The following FUBP3 variants were observed in gnomAD, a reference collection of about 807,000 sequenced individuals.
FUBP3 encodes far upstream element binding protein 3.
FUBP3 carries 28 observed loss-of-function variants against 85.6 expected under a neutral mutation model. The observed-to-expected ratio is 0.33, with a 90% CI of 0.24 to 0.45. The LOEUF (loss-of-function observed/expected upper bound fraction) is 0.45. Among genes scored for constraint, FUBP3 ranks in the 20% least tolerant of loss-of-function variants. The pLI is 1.00. For missense variants in FUBP3, 583 were observed against 755.1 expected (o/e 0.77, Z 2.67); for synonymous variants, 271 against 271.4 (o/e 1.00, Z 0.01).
intron 2 of FUBP3, among the ~76,000 whole-genome samples, chr9:130,605,984 AAAC>A (rs746902533): frequency 1.4e-3 from 220 of 152,294 alleles, no homozygotes; most frequent in African/African-American, 5.1e-3. Flanking sequence ...ACTCTGTCTC[AAAC>A]AACAACAACA....
intron 1 of FUBP3, chr9:130,581,654 T>G (rs1159218289): frequency 6.6e-6 from 1 of 152,216 alleles, no homozygotes; most frequent in Non-Finnish European, 1.5e-5. Flanking sequence ...TAGTTCTGTT[T>G]CTTTGTTATA....
intron 1 of FUBP3, among the ~76,000 whole-genome samples, chr9:130,588,330 C>A (rs983143701): frequency 1.3e-5 from 2 of 152,054 alleles, no homozygotes; most frequent in African/African-American, 4.8e-5. Flanking sequence ...ATTTTAAAAA[C>A]AATATTGTTA....
chr9:130,632,409 C>G (rs1460013627), intron 16 of FUBP3, 131 bp downstream of exon 16: 2 of 698,610 alleles, frequency 2.9e-6, no homozygotes, highest in African/African-American at 3.5e-5. Flanking sequence ...ACAAGGAGCC[C>G]TCTGGGTGGG....
chr9:130,587,681 A>G (rs1830413117), intron 1 of FUBP3, among the ~76,000 whole-genome samples: 1 of 152,200 alleles, frequency 6.6e-6, no homozygotes, highest in African/African-American at 2.4e-5. Flanking sequence ...CTCCCTAGAA[A>G]TATTTAAATA....
rs772299152 is a variant in FUBP3 at position 130,630,652 on chromosome 9, A to T, written c.1142A>T (p.Asn381Ile). 1.2e-6 allele frequency: 2 copies of T among 1,600,306 alleles called. No individual in the cohort carries two copies. Among genetic ancestry groups the T allele is most frequent in the Non-Finnish European group, 1.7e-6 (2 of 1,173,626 alleles). Residue 381 changes from asparagine to isoleucine, a missense_variant, in exon 13 of 19, where the codon AAC becomes ATC. By Grantham distance (149) the Asn-to-Ile change is moderately radical. Coordinates refer to ENST00000319725, the MANE Select transcript of FUBP3 (RefSeq NM_003934.2). ...GGGGGTGAGAACATCAAAAGCATCA[A>T]CCAGCAGTCAGGGGCGCACGTGGAG... The part of the protein sequence containing the change: ...GKGGENIKSI[N>I]QQSGAHVELQ...
intron 3 of FUBP3, among the ~76,000 whole-genome samples, chr9:130,610,271 GAA>G (rs1282979793): frequency 6.6e-6 from 1 of 152,226 alleles, no homozygotes; most frequent in African/African-American, 2.4e-5. Flanking sequence ...TAAAAGGAGA[GAA>G]TGAGATTTTC....
At chr9:130,614,229 C>A in intron 5 of FUBP3, 59 bp from the exon 6 acceptor site, 3 of 1,059,886 alleles carry the variant, frequency 2.8e-6, no homozygotes, top group Non-Finnish European at 4.4e-6. Flanking sequence ...CTTACAGAGG[C>A]AGAGGTGCAT....
At chr9:130,633,098 TCCTGAGG>T (rs1830281272) in intron 16 of FUBP3, among the ~76,000 whole-genome samples, 1 of 152,140 alleles carries the variant, frequency 6.6e-6, no homozygotes, top group Admixed American at 6.5e-5. Context: ...TTACACAGAG[TCCTGAGG>T]CCAGTGCTGT....
At chr9:130,605,288 G>A (rs1831364851) in intron 2 of FUBP3, among the ~76,000 whole-genome samples, 2 of 152,208 alleles carry the variant, frequency 1.3e-5, no homozygotes, top group Admixed American at 1.3e-4. Flanking sequence ...GAGGGCAAAG[G>A]TGGCTTTGTT....
rs1325125973 is a variant in FUBP3 at position 130,638,016 on chromosome 9, A to G, written c.*994A>G. ...ATTATGAATTAAATAATTTTGATTT[A>G]ATGAAAGGGATAATATGATTTCCAG... On this transcript the variant is annotated 3_prime_UTR_variant, in exon 19 of 19. Transcript: ENST00000319725. 6.6e-6 allele frequency: 1 copy of G among 152,582 alleles called. No individual in the cohort carries two copies. The highest frequency in any genetic ancestry group is 1.9e-4 in the East Asian group (1 of 5,196). The allele number at this position is 152,582 out of a possible 1,614,324, so 9.5% of individuals were successfully genotyped here. A position where few individuals can be genotyped will look rare whatever the true frequency, so the allele number is the denominator to read the frequency against.
At chr9:130,595,658 C>T in intron 2 of FUBP3, 70 bp downstream of exon 2, 1 of 790,128 alleles carries the variant, frequency 1.3e-6, no homozygotes, top group Middle Eastern at 2.2e-4. Flanking sequence ...AATTTGTCAG[C>T]CATTACCTTA....
In FUBP3 at chr9:130,589,671, G is replaced by GTGTGTGTGTGTA. The variant is rs1305199273; in HGVS notation, c.85-5807_85-5806insGTGTGTATGTGT. 4.1e-3 allele frequency among the ~76,000 whole-genome samples: 102 copies of GTGTGTGTGTGTA among 25,086 alleles called. 2 individuals are homozygous for GTGTGTGTGTGTA. Among genetic ancestry groups the GTGTGTGTGTGTA allele is most frequent in the East Asian group, 0.03 (17 of 560 alleles). 16.5% of individuals were successfully genotyped at this position (25,086 alleles called of 152,430 possible). On this transcript the variant is annotated intron_variant, in intron 1 of 18. Transcript: ENST00000319725. ...ATTTATTTTAAATATGTATGTATGT[G>GTGTGTGTGTGTA]TGTGTATATATATATATATATATAT...
Position 130,603,355 on chromosome 9 carries a change from A to AAAC in FUBP3, c.191-6597_191-6596insCAA, listed in dbSNP as rs760339735. Among the ~76,000 whole-genome samples the AAAC allele has an allele frequency of 1.8e-3, 198 of 108,680 alleles. 1 individual carries two copies. The highest frequency in any genetic ancestry group is 2.5e-3 in the Non-Finnish European group (128 of 51,968). 71.3% of individuals were successfully genotyped at this position (108,680 alleles called of 152,430 possible). On this transcript the variant is annotated intron_variant, in intron 2 of 18. Coordinates refer to ENST00000319725, the MANE Select transcript of FUBP3 (RefSeq NM_003934.2). ...GAGCAAGACTCTGTCTCCAAAAAAA[A>AAAC]AAAAAAAAAAAAACAAATAGTGAAG...
chr9:130,624,902 A>G (rs1475313760), intron 11 of FUBP3, among the ~76,000 whole-genome samples: 3 of 152,104 alleles, frequency 2.0e-5, no homozygotes, highest in African/African-American at 7.2e-5. Flanking sequence ...CCTGACCAAC[A>G]TGGTGAAACC....
At position 130,594,964 on chromosome 9, in the gene FUBP3, C is replaced by T. The variant is rs1477596015; in HGVS notation, c.85-519C>T. Among the ~76,000 whole-genome samples, 4 of 150,584 alleles carry T rather than the reference C, an allele frequency of 2.7e-5. No homozygotes were observed. The East Asian group carries it at 7.9e-4, about 30-fold the overall frequency. ...ATTTGCGGCCGGGCGCAGTGGCTCA[C>T]GCCTATAATCCCAGCACTTTGAGAG... On this transcript the variant is annotated intron_variant, in intron 1 of 18. Transcript: ENST00000319725.
rs1426033014 is a variant in FUBP3 at position 130,637,924 on chromosome 9, C to G, written c.*902C>G. ...ATTCCAAGGTGTTGTTTGCTTTTTT[C>G]TTTTAAATATTTTCTTAATATTTTG... On this transcript the variant is annotated 3_prime_UTR_variant, in exon 19 of 19. Transcript: ENST00000319725. 1.3e-5 allele frequency: 2 copies of G among 151,962 alleles called. No individual in the cohort carries two copies. Among genetic ancestry groups the G allele is most frequent in the Non-Finnish European group, 2.9e-5 (2 of 67,902 alleles). 9.4% of individuals were successfully genotyped at this position (151,962 alleles called of 1,614,324 possible). A position where few individuals can be genotyped will look rare whatever the true frequency, so the allele number is the denominator to read the frequency against.
intron 2 of FUBP3, among the ~76,000 whole-genome samples, chr9:130,601,764 C>T (rs886882887): frequency 3.3e-5 from 5 of 150,582 alleles, no homozygotes; most frequent in East Asian, 2.0e-4. Context: ...CAACCACTGC[C>T]GAAATTATTA....
Position 130,630,738 on chromosome 9 carries a change from G to C in FUBP3, c.1228G>C (p.Val410Leu), listed in dbSNP as rs1030017023. 1.3e-6 allele frequency: 2 copies of C among 1,568,372 alleles called. No homozygotes were observed. The highest frequency in any genetic ancestry group is 8.6e-7 in the Non-Finnish European group (1 of 1,158,878). ...PNLRRFTIRG[V>L]PQQIEVARQL... Reference sequence around the variant, plus strand: ...CCTGCGGAGATTCACCATCAGGGGGGTTCCCCAGCAGATCGAGGTGGCCAG... The same window carrying C: ...CCTGCGGAGATTCACCATCAGGGGGCTTCCCCAGCAGATCGAGGTGGCCAG... Residue 410 changes from valine to leucine, a missense_variant, in exon 13 of 19, where the codon GTT becomes CTT. Val to Leu is a conservative substitution (Grantham distance 32). Around this residue, in one of 3 missense-constraint regions of FUBP3, gnomAD observed 404 missense variants for 516.8 expected, o/e 0.78. Coordinates refer to ENST00000319725, the MANE Select transcript of FUBP3 (RefSeq NM_003934.2).
At chr9:130,605,711 C>T (rs192922444) in intron 2 of FUBP3, among the ~76,000 whole-genome samples, 11 of 152,268 alleles carry the variant, frequency 7.2e-5, no homozygotes, top group African/African-American at 2.2e-4. Flanking sequence ...TGGCTGGGCA[C>T]GGTGGCTCAC....
Sources: gnomAD v4.1 joint callset for allele counts (sites outside exome capture counted in the v4.1 genomes callset) on GRCh38, gnomAD v4.1.1 for gene constraint, gnomAD v4.1.1 regional missense constraint, MANE v1.5 for transcripts, NCBI Gene and HGNC (gene_info 2026-07-23, HGNC 2026-07-21) for gene names.